The following EXOC4 variants were observed in gnomAD, a reference collection of about 807,000 sequenced individuals.
The protein encoded by EXOC4 is SEC8-like 1.
EXOC4 carries 71 observed loss-of-function variants against 107.2 expected under a neutral mutation model. That is an observed-to-expected ratio of 0.66 (90% CI 0.55 to 0.81). The LOEUF (loss-of-function observed/expected upper bound fraction) is 0.81. EXOC4 is among the 30% of genes least tolerant of loss of function. The probability of loss-of-function intolerance (pLI) is 0.00; values close to 1 mark genes in which losing one functional copy is unlikely to be tolerated. For missense variants in EXOC4, 1,108 were observed against 1,189.6 expected, an observed-to-expected ratio of 0.93 and a Z score of 1.01; for synonymous variants, 456 against 441.2, an observed-to-expected ratio of 1.03 and a Z score of -0.42.
intron 14 of EXOC4, among the ~76,000 whole-genome samples, chr7:133,994,192 C>T (rs541484911): frequency 9.3e-4 from 142 of 152,316 alleles, no homozygotes; most frequent in African/African-American, 3.3e-3. Flanking sequence ...TCAACTCCCA[C>T]TTATGAGTGA....
At chr7:133,896,273 T>C (rs972060887) in intron 12 of EXOC4, among the ~76,000 whole-genome samples, 1 of 152,126 alleles carries the variant, frequency 6.6e-6, no homozygotes, top group Non-Finnish European at 1.5e-5. Flanking sequence ...CTTCCTTAGG[T>C]TCAAAAAAAT....
In EXOC4 at chr7:133,823,894, T is replaced by A. The variant is rs748756; in HGVS notation, c.1734+6350T>A. On this transcript the variant is annotated intron_variant, in intron 11 of 17. Transcript: ENST00000253861. ...ATATTATATATATATATATATATATTTTATATATATATATATAAATATATA... is the reference window on the plus strand; with the variant it reads ...ATATTATATATATATATATATATATATTATATATATATATATAAATATATA... Among the ~76,000 whole-genome samples, 36 of 17,660 alleles carry A rather than the reference T, an allele frequency of 2.0e-3. 1 individual carries two copies. Among genetic ancestry groups the A allele is most frequent in the African/African-American group, 0.017 (24 of 1,420 alleles). 11.6% of individuals were successfully genotyped at this position (17,660 alleles called of 152,430 possible).
At chr7:133,643,787 A>C (rs569427379) in intron 10 of EXOC4, among the ~76,000 whole-genome samples, 54 of 152,246 alleles carry the variant, frequency 3.5e-4, no homozygotes, top group Non-Finnish European at 6.9e-4. Context: ...AAGTGTATAC[A>C]TACACAAACA....
At chr7:133,429,035 A>G (rs1441755919) in intron 7 of EXOC4, among the ~76,000 whole-genome samples, 2 of 152,300 alleles carry the variant, frequency 1.3e-5, no homozygotes, top group Non-Finnish European at 2.9e-5. Context: ...AGTTGCAGGG[A>G]AAGTATTAAG....
chr7:133,979,959 A>G (rs1393899596), intron 14 of EXOC4, among the ~76,000 whole-genome samples: 5 of 151,934 alleles, frequency 3.3e-5, no homozygotes, highest in Non-Finnish European at 7.4e-5. Flanking sequence ...CTACCAATCT[A>G]CCACCTACCT....
At chr7:133,788,987 C>G (rs1796648342) in intron 10 of EXOC4, among the ~76,000 whole-genome samples, 1 of 152,198 alleles carries the variant, frequency 6.6e-6, no homozygotes, top group African/African-American at 2.4e-5. Context: ...TGCTGCCCCT[C>G]TGAATCAGGC....
At chr7:133,857,244 CATATATATAT>C (rs1222894526) in intron 11 of EXOC4, among the ~76,000 whole-genome samples, 6 of 6,590 alleles carry the variant, frequency 9.1e-4, no homozygotes, top group African/African-American at 1.6e-3. Flanking sequence ...CTTAGTGTCA[CATATATATAT>C]ATATATATAT....
Position 134,059,946 on chromosome 7 carries a change from T to C in EXOC4, c.2688-4345T>C, listed in dbSNP as rs374406172. Among the ~76,000 whole-genome samples the C allele has an allele frequency of 8.5e-5, 13 of 152,326 alleles. 1 individual carries two copies. The highest frequency in any genetic ancestry group is 2.9e-4 in the African/African-American group (12 of 41,582). On this transcript the variant is annotated intron_variant, in intron 17 of 17. Coordinates refer to ENST00000253861, the MANE Select transcript of EXOC4 (RefSeq NM_021807.4). ...CCCACCTTTCCAAAATACCCTGTATTTCCTTCCTGGTAGAAATGTTTTCAG... is the reference window on the plus strand; with the variant it reads ...CCCACCTTTCCAAAATACCCTGTATCTCCTTCCTGGTAGAAATGTTTTCAG...
intron 9 of EXOC4, among the ~76,000 whole-genome samples, chr7:133,618,713 C>T (rs1387251700): frequency 1.2e-4 from 18 of 151,964 alleles, no homozygotes; most frequent in African/African-American, 3.1e-4. Context: ...TGCTGTATGT[C>T]CTTTTGTTAT....
chr7:133,938,161 A>T, intron 14 of EXOC4, 92 bp downstream of exon 14: 1 of 1,275,114 alleles, frequency 7.8e-7, no homozygotes, highest in Non-Finnish European at 1.1e-6. Flanking sequence ...TGGTCACCGT[A>T]TGGGGGCGTG....
At chr7:133,508,388 G>C (rs1799705180) in intron 9 of EXOC4, among the ~76,000 whole-genome samples, 2 of 152,134 alleles carry the variant, frequency 1.3e-5, no homozygotes, top group African/African-American at 4.8e-5. Flanking sequence ...TGCTGATGGA[G>C]GGACCACACT....
chr7:134,095,007 C>CA, the EXOC4 span, among the ~76,000 whole-genome samples: 23 of 152,128 alleles, frequency 1.5e-4, no homozygotes, highest in Admixed American at 2.0e-4. Flanking sequence ...TAGGAAAAGT[C>CA]AAACTATCTC....
chr7:133,951,842 A>G (rs1800698259), intron 14 of EXOC4, among the ~76,000 whole-genome samples: 1 of 152,226 alleles, frequency 6.6e-6, no homozygotes. Flanking sequence ...GTATGTCAGC[A>G]TATCGAGAAA....
chr7:133,757,715 C>T (rs1474151694), intron 10 of EXOC4, among the ~76,000 whole-genome samples: 1 of 152,208 alleles, frequency 6.6e-6, no homozygotes, highest in East Asian at 1.9e-4. Flanking sequence ...TGTTCAGTGA[C>T]CCCATTGGCT....
At chr7:133,996,138 GAAT>G (rs1794387246) in intron 14 of EXOC4, among the ~76,000 whole-genome samples, 1 of 152,150 alleles carries the variant, frequency 6.6e-6, no homozygotes, top group South Asian at 2.1e-4. Context: ...ACTTGCTAAA[GAAT>G]AATAATAATT....
intron 11 of EXOC4, among the ~76,000 whole-genome samples, chr7:133,865,774 A>G (rs1798625417): frequency 6.6e-6 from 1 of 152,322 alleles, no homozygotes; most frequent in South Asian, 2.1e-4. Flanking sequence ...AGATCTTGTG[A>G]GAACTCACTA....
chr7:133,497,132 G>A (rs145048011), intron 9 of EXOC4, among the ~76,000 whole-genome samples: 2 of 152,258 alleles, frequency 1.3e-5, no homozygotes, highest in African/African-American at 4.8e-5. Flanking sequence ...GAATGAGCTA[G>A]GAGCAGGTCC....
chr7:133,963,065 G>A (rs575014382), intron 14 of EXOC4, among the ~76,000 whole-genome samples: 1 of 152,392 alleles, frequency 6.6e-6, no homozygotes, highest in East Asian at 1.9e-4. Context: ...ATAAAAACAG[G>A]AGTTGATCCC....
At chr7:134,070,209 C>G (rs1796254338), downstream of EXOC4, among the ~76,000 whole-genome samples, 1 of 152,210 alleles carries the variant, frequency 6.6e-6, no homozygotes, top group Admixed American at 6.5e-5. Context: ...GGTGTCAACC[C>G]TGTCCTAATT....
Sources: gnomAD v4.1 joint callset for allele counts (sites outside exome capture counted in the v4.1 genomes callset) on GRCh38, gnomAD v4.1.1 for gene constraint, MANE v1.5 for transcripts, NCBI Gene and HGNC (gene_info 2026-07-23, HGNC 2026-07-21) for gene names.